ELP4: variants seen among roughly 807,000 people sequenced by gnomAD.
ELP4 encodes the protein elongator complex protein 4.
In ELP4, 51 loss-of-function variants were observed where a neutral mutation model predicts 48.9. That is an observed-to-expected ratio of 1.04 (90% CI 0.83 to 1.32). The LOEUF is 1.32. ELP4 is among the 40% of genes most tolerant of loss of function. The probability of loss-of-function intolerance (pLI) is 0.00; values close to 1 mark genes in which losing one functional copy is unlikely to be tolerated. For synonymous variants in ELP4, 210 were observed against 189.2 expected (o/e 1.11, Z -0.90); for missense variants, 519 against 514.6 (o/e 1.01, Z -0.08).
At chr11:31,768,676 C>T (rs1483015447) in intron 9 of ELP4, among the ~76,000 whole-genome samples, 2 of 152,150 alleles carry the variant, frequency 1.3e-5, no homozygotes, top group Non-Finnish European at 2.9e-5. Context: ...AGAACTTGTT[C>T]ATGCATGCAG....
intron 9 of ELP4, among the ~76,000 whole-genome samples, chr11:31,716,441 T>C (rs964985576): frequency 2.6e-5 from 4 of 152,198 alleles, no homozygotes; most frequent in African/African-American, 9.6e-5. Flanking sequence ...GTTTTCTCAT[T>C]TGTAAAATGG....
intron 1 of ELP4, among the ~76,000 whole-genome samples, chr11:31,515,885 C>T (rs962664838): frequency 2.6e-5 from 4 of 152,068 alleles, no homozygotes; most frequent in African/African-American, 4.8e-5. Context: ...CCGAGGCGGG[C>T]GGATCACGAG....
intron 6 of ELP4, 109 bp downstream of exon 6, chr11:31,627,303 A>C: frequency 1.6e-6 from 1 of 638,238 alleles, no homozygotes; most frequent in South Asian, 2.4e-5. Flanking sequence ...AACAGTGAAC[A>C]AGCTGTTTTC....
intron 7 of ELP4, among the ~76,000 whole-genome samples, chr11:31,642,013 C>G (rs1024973147): frequency 6.6e-5 from 10 of 151,846 alleles, no homozygotes; most frequent in Non-Finnish European, 1.2e-4. Context: ...TCCCATAAAA[C>G]ATTTTTAATC....
Position 31,790,260 on chromosome 11 carries a change from G to GAA in ELP4, c.*6745_*6746dup. 2.1e-6 allele frequency: 1 copy of GAA among 484,314 alleles called. No individual in the cohort carries two copies. The allele number at this position is 484,314 out of a possible 1,614,324, so 30.0% of individuals were successfully genotyped here. On this transcript the variant is annotated 3_prime_UTR_variant, in exon 10 of 10. Coordinates refer to ENST00000640961, the MANE Select transcript of ELP4 (RefSeq NM_019040.5). ...CCCCCCACCCCAATCCAAAGGAAAA[G>GAA]AAAAAAAAAATCCTCTGTTTGTTTG...
At chr11:31,624,984 C>A (rs1235010733) in intron 5 of ELP4, among the ~76,000 whole-genome samples, 2 of 151,178 alleles carry the variant, frequency 1.3e-5, no homozygotes, top group Non-Finnish European at 3.0e-5. Flanking sequence ...GGACTACCTC[C>A]TGAAGGACCT....
Position 31,786,306 on chromosome 11 carries a change from T to C in ELP4, c.*2782T>C, listed in dbSNP as rs1328175979. ...TGTTTAAGCCCATTATTAATGTCAT[T>C]TCTAAGACAGCATGTTACTGCTTTC... is the stretch of plus-strand genomic sequence containing the variant. On this transcript the variant is annotated 3_prime_UTR_variant, in exon 10 of 10. Coordinates refer to ENST00000640961, the MANE Select transcript of ELP4 (RefSeq NM_019040.5). 3 of 210,188 alleles carry C rather than the reference T, an allele frequency of 1.4e-5. No individual in the cohort carries two copies. The highest frequency in any genetic ancestry group is 6.8e-5 in the African/African-American group (3 of 44,148). The allele number at this position is 210,188 out of a possible 1,614,324, so 13.0% of individuals were successfully genotyped here.
At chr11:31,701,858 C>T (rs1946529837) in intron 9 of ELP4, among the ~76,000 whole-genome samples, 1 of 151,708 alleles carries the variant, frequency 6.6e-6, no homozygotes, top group African/African-American at 2.4e-5. Flanking sequence ...TAAACAAAAA[C>T]ATTTTATATT....
chr11:31,761,688 G>A, intron 9 of ELP4, among the ~76,000 whole-genome samples: 1 of 152,084 alleles, frequency 6.6e-6, no homozygotes, highest in African/African-American at 2.4e-5. Context: ...AAGATATTAG[G>A]GCAAATGATT....
chr11:31,769,927 G>A (rs1253102424), intron 9 of ELP4, among the ~76,000 whole-genome samples: 2 of 152,158 alleles, frequency 1.3e-5, no homozygotes, highest in Non-Finnish European at 2.9e-5. Flanking sequence ...TAAGCCACCT[G>A]AGGGGTAGTA....
chr11:31,527,256 G>A (rs904230860), intron 2 of ELP4, among the ~76,000 whole-genome samples: 2 of 151,814 alleles, frequency 1.3e-5, no homozygotes, highest in Admixed American at 1.3e-4. Context: ...CCCTCTTCTA[G>A]TGCTACATAT....
At chr11:31,517,396 T>G (rs1371399361) in intron 1 of ELP4, among the ~76,000 whole-genome samples, 1 of 152,046 alleles carries the variant, frequency 6.6e-6, no homozygotes, top group African/African-American at 2.4e-5. Flanking sequence ...ACACCTGAGC[T>G]TATGTGATCT....
chr11:31,600,886 TA>T (rs1565074296), intron 4 of ELP4, among the ~76,000 whole-genome samples: 1 of 152,160 alleles, frequency 6.6e-6, no homozygotes, highest in East Asian at 1.9e-4. Context: ...TAGAGTACGG[TA>T]TTTTTTTTAC....
intron 1 of ELP4, among the ~76,000 whole-genome samples, chr11:31,515,733 G>T (rs539496317): frequency 1.3e-5 from 2 of 152,236 alleles, no homozygotes; most frequent in Non-Finnish European, 2.9e-5. Flanking sequence ...TTCTGGGCCA[G>T]ATACCTCTAC....
Position 31,689,832 on chromosome 11 carries a change from TTCTC to T in ELP4, c.1143+39612_1143+39615del, listed in dbSNP as rs144022351. On this transcript the variant is annotated intron_variant, in intron 9 of 9. Transcript: ENST00000640961. ...TATTAAATAGAGATAATTAGCATCT[TTCTC>T]ATAGGGTTGTGGTTGTGGTGGTGGT... 6.7e-3 allele frequency among the ~76,000 whole-genome samples: 1,013 copies of T among 152,248 alleles called. 13 individuals carry two copies. Among genetic ancestry groups the T allele is most frequent in the African/African-American group, 0.023 (965 of 41,540 alleles).
chr11:31,588,259 C>T (rs1957511414), intron 3 of ELP4, among the ~76,000 whole-genome samples: 1 of 152,090 alleles, frequency 6.6e-6, no homozygotes, highest in African/African-American at 2.4e-5. Flanking sequence ...TTAAAATGCT[C>T]AATGATGATT....
At chr11:31,548,455 A>G (rs12360579) in intron 3 of ELP4, among the ~76,000 whole-genome samples, 14,115 of 151,940 alleles carry the variant, frequency 0.093, 867 homozygotes, top group East Asian at 0.22. Context: ...TTCAAGGAGA[A>G]CTACAAACCA....
At chr11:31,547,799 G>A (rs1166200433) in intron 3 of ELP4, among the ~76,000 whole-genome samples, 1 of 152,148 alleles carries the variant, frequency 6.6e-6, no homozygotes, top group Non-Finnish European at 1.5e-5. Context: ...CGATCAAGTG[G>A]ACTTCATCCC....
chr11:31,774,979 C>T (rs967602156), intron 9 of ELP4, among the ~76,000 whole-genome samples: 17 of 152,174 alleles, frequency 1.1e-4, no homozygotes, highest in African/African-American at 4.1e-4. Context: ...ATGCCCTCCT[C>T]AGCAAATAGC....
Sources: allele counts gnomAD v4.1 joint callset (sites outside exome capture counted in the v4.1 genomes callset), GRCh38; gene constraint gnomAD v4.1.1; transcripts MANE v1.5; gene names NCBI Gene and HGNC (gene_info 2026-07-23, HGNC 2026-07-21).